The following TCTN2 variants were observed in gnomAD, a reference collection of about 807,000 sequenced individuals.
TCTN2 encodes tectonic family member 2.
In TCTN2, 66 loss-of-function variants were observed where a neutral mutation model predicts 83.4. The observed-to-expected ratio is 0.79, with a 90% CI of 0.65 to 0.97. The LOEUF (loss-of-function observed/expected upper bound fraction) is 0.97, where lower values mean the gene tolerates loss of function less well. TCTN2 is among the 50% of genes least tolerant of loss of function. The pLI, the probability that TCTN2 is intolerant of heterozygous loss-of-function variation, is 0.00. For missense variants in TCTN2, 794 were observed against 858.1 expected, an observed-to-expected ratio of 0.93 and a Z score of 0.93; for synonymous variants, 301 against 326.7, an observed-to-expected ratio of 0.92 and a Z score of 0.85.
At chr12:123,671,708 C>G in intron 2 of TCTN2, 94 bp downstream of exon 2, 1 of 1,087,884 alleles carries the variant, frequency 9.2e-7, no homozygotes, top group Non-Finnish European at 1.4e-6. Flanking sequence ...GGGCCCCCTG[C>G]CTCTGTTCTC....
At position 123,687,042 on chromosome 12, in the gene TCTN2, G is replaced by A; in HGVS notation, c.764+7G>A. On this transcript the variant is annotated splice_region_variant and intron_variant, in intron 6 of 17. Transcript: ENST00000303372. ...ACTTCTATCATGGTGCTGTGTAAGTGTCTGAGCAGCCGCCTGGGATGGGGC... is the reference window on the plus strand; with the variant it reads ...ACTTCTATCATGGTGCTGTGTAAGTATCTGAGCAGCCGCCTGGGATGGGGC... 1 of 1,614,134 alleles carries A rather than the reference G, an allele frequency of 6.2e-7. No individual in the cohort carries two copies. Among genetic ancestry groups the A allele is most frequent in the Non-Finnish European group, 8.5e-7 (1 of 1,179,990 alleles).
intron 17 of TCTN2, among the ~76,000 whole-genome samples, 166 bp from the exon 18 acceptor site, chr12:123,707,438 A>G (rs1025191363): frequency 3.9e-5 from 6 of 152,134 alleles, no homozygotes; most frequent in East Asian, 1.9e-4. Context: ...ACGGGGTTTC[A>G]CTGTGCTGGC....
chr12:123,694,770 A>C (rs1411419445), intron 9 of TCTN2, 72 bp from the exon 10 acceptor site: 1 of 1,565,178 alleles, frequency 6.4e-7, no homozygotes, highest in Non-Finnish European at 8.8e-7. Context: ...ACGCAAGCAG[A>C]GAGAACCTCC....
chr12:123,687,182 T>A, intron 6 of TCTN2, 147 bp downstream of exon 6: 1 of 877,022 alleles, frequency 1.1e-6, no homozygotes, highest in Non-Finnish European at 1.9e-6. Context: ...TAGATTTCAG[T>A]TAGCCAATTT....
chr12:123,691,611 C>G (rs187273145), intron 8 of TCTN2, among the ~76,000 whole-genome samples: 1 of 152,190 alleles, frequency 6.6e-6, no homozygotes, highest in East Asian at 1.9e-4. Context: ...CATGAACACT[C>G]GTGTCCAAGT....
chr12:123,687,138 T>C (rs1955981869), intron 6 of TCTN2, 103 bp downstream of exon 6: 8 of 1,323,364 alleles, frequency 6.0e-6, no homozygotes, highest in African/African-American at 1.4e-5. Flanking sequence ...TCCCAACCCC[T>C]CTCCAGAGGT....
chr12:123,698,439 T>C (rs973260546), intron 13 of TCTN2, among the ~76,000 whole-genome samples: 50 of 152,154 alleles, frequency 3.3e-4, no homozygotes, highest in Middle Eastern at 3.4e-3. Flanking sequence ...GCATGCGTTC[T>C]TTTTGGCTTG....
At chr12:123,690,993 C>T (rs781437517) in intron 8 of TCTN2, among the ~76,000 whole-genome samples, 55 of 152,114 alleles carry the variant, frequency 3.6e-4, no homozygotes, top group Non-Finnish European at 6.5e-4. Context: ...CTCAGCTTCC[C>T]GAGTAGCTGG....
intron 5 of TCTN2, among the ~76,000 whole-genome samples, chr12:123,682,010 G>A (rs1955905599): frequency 1.3e-5 from 2 of 151,810 alleles, no homozygotes; most frequent in Non-Finnish European, 2.9e-5. Context: ...TTGCTCTGTC[G>A]CCCAGGATAG....
At chr12:123,676,511 T>A (rs181780010) in intron 4 of TCTN2, among the ~76,000 whole-genome samples, 5 of 129,224 alleles carry the variant, frequency 3.9e-5, no homozygotes, top group Non-Finnish European at 6.1e-5. Flanking sequence ...GAGCTTGCAG[T>A]GAGCCAAGGT....
At chr12:123,704,133 A>G (rs1479090559) in intron 14 of TCTN2, among the ~76,000 whole-genome samples, 1 of 151,614 alleles carries the variant, frequency 6.6e-6, no homozygotes, top group South Asian at 2.1e-4. Flanking sequence ...CAGCCTCCCA[A>G]GTAACTGGGA....
intron 8 of TCTN2, among the ~76,000 whole-genome samples, chr12:123,692,313 G>A (rs748134738): frequency 2.0e-5 from 3 of 152,346 alleles, no homozygotes; most frequent in Non-Finnish European, 4.4e-5. Flanking sequence ...CCAAAGTGCT[G>A]GGATTATAGG....
At chr12:123,705,759 CT>C (rs35532522) in intron 15 of TCTN2, among the ~76,000 whole-genome samples, 50,148 of 140,598 alleles carry the variant, frequency 0.36, 9,041 homozygotes, top group African/African-American at 0.41. Context: ...TTCTTTCTTT[CT>C]TTTTTTTTTT....
intron 6 of TCTN2, 121 bp from the exon 7 acceptor site, chr12:123,687,930 C>T (rs1220058390): frequency 2.1e-6 from 3 of 1,409,152 alleles, no homozygotes; most frequent in Non-Finnish European, 3.0e-6. Flanking sequence ...CGCCACTGCA[C>T]TCCAGCCTGG....
intron 5 of TCTN2, among the ~76,000 whole-genome samples, chr12:123,683,926 A>C (rs1315348553): frequency 1.3e-5 from 2 of 152,158 alleles, no homozygotes; most frequent in East Asian, 3.9e-4. Context: ...GGCGTGAGCC[A>C]CTGCACCTGG....
At position 123,690,814 on chromosome 12, in the gene TCTN2, A is replaced by G. The variant is rs1245173802; in HGVS notation, c.1033+140A>G. ...CAATTATTTTCTTTGGAAAAAGTTTAGTTCCGTAAGACAGCATATTGCATA... is the reference window on the plus strand; with the variant it reads ...CAATTATTTTCTTTGGAAAAAGTTTGGTTCCGTAAGACAGCATATTGCATA... On this transcript the variant is annotated intron_variant, in intron 8 of 17. Coordinates refer to ENST00000303372, the MANE Select transcript of TCTN2 (RefSeq NM_024809.5). 3.9e-6 allele frequency: 4 copies of G among 1,013,066 alleles called. No individual in the cohort carries two copies. In the African/African-American group the frequency reaches 4.8e-5, roughly 12 times the overall value. The allele number at this position is 1,013,066 out of a possible 1,614,324, so 62.8% of individuals were successfully genotyped here. A position where few individuals can be genotyped will look rare whatever the true frequency, so the allele number is the denominator to read the frequency against.
chr12:123,704,004 CTTTTTTT>C (rs11348520), intron 14 of TCTN2, among the ~76,000 whole-genome samples: 3 of 110,196 alleles, frequency 2.7e-5, no homozygotes, highest in African/African-American at 3.8e-5. Flanking sequence ...TACAAGGAAA[CTTTTTTT>C]TTTTTTTTTT....
chr12:123,706,579 C>T (rs529811098), intron 15 of TCTN2, 147 bp from the exon 16 acceptor site: 2 of 1,157,772 alleles, frequency 1.7e-6, no homozygotes, highest in Admixed American at 3.8e-5. Flanking sequence ...AGACCATGGA[C>T]AAATACTGAG....
Position 123,692,618 on chromosome 12 carries a change from T to C in TCTN2, c.1034-40T>C, listed in dbSNP as rs758246824. On this transcript the variant is annotated intron_variant, in intron 8 of 17. Coordinates refer to ENST00000303372, the MANE Select transcript of TCTN2 (RefSeq NM_024809.5). ...GAGTAAGTGTGATCATGGTAGGCCATGTGTACGCCTGTGGAAGTTAATTTA... is the reference window on the plus strand; with the variant it reads ...GAGTAAGTGTGATCATGGTAGGCCACGTGTACGCCTGTGGAAGTTAATTTA... 7 of 1,457,630 alleles carry C rather than the reference T, an allele frequency of 4.8e-6. No individual in the cohort carries two copies. In the Admixed American group the frequency reaches 1.0e-4, roughly 21 times the overall value. The allele number at this position is 1,457,630 out of a possible 1,614,324, so 90.3% of individuals were successfully genotyped here.
Sources: allele counts gnomAD v4.1 joint callset (sites outside exome capture counted in the v4.1 genomes callset), GRCh38; gene constraint gnomAD v4.1.1; transcripts MANE v1.5; gene names NCBI Gene and HGNC (gene_info 2026-07-23, HGNC 2026-07-21).